SLCO1A2: variants seen among roughly 807,000 people sequenced by gnomAD.
SLCO1A2 encodes the protein OATP-1.
In SLCO1A2, 67 loss-of-function variants were observed where a neutral mutation model predicts 69.0. The ratio of observed to expected loss-of-function variants is 0.97; its 90% confidence interval spans 0.80 to 1.19. SLCO1A2 has a LOEUF of 1.19. Among genes scored for constraint, SLCO1A2 ranks in the 50% most tolerant of loss-of-function variants. The probability of loss-of-function intolerance (pLI) is 0.00; values close to 1 mark genes in which losing one functional copy is unlikely to be tolerated. For synonymous variants in SLCO1A2, 260 were observed against 265.9 expected (o/e 0.98, Z 0.22); for missense variants, 787 against 793.7 (o/e 0.99, Z 0.10).
intron 12 of SLCO1A2, among the ~76,000 whole-genome samples, chr12:21,286,101 T>A (rs1945733959): frequency 6.6e-6 from 1 of 150,858 alleles, no homozygotes; most frequent in South Asian, 2.1e-4. Flanking sequence ...ATTGTTTATC[T>A]AGAAAACCCC....
Position 21,348,041 on chromosome 12 carries a change from AC to A in SLCO1A2, c.-62-13333del, listed in dbSNP as rs1937642077. ...TTTAGTGTTGCTAAATTCAACATCC[AC>A]CTTTTAGTCTTTCTCTTTTTCCATA... is the stretch of plus-strand genomic sequence containing the variant. On this transcript the variant is annotated intron_variant, in intron 2 of 15. Transcript: ENST00000307378. 2.6e-5 allele frequency among the ~76,000 whole-genome samples: 4 copies of A among 152,190 alleles called. No individual in the cohort carries two copies. In the South Asian group the frequency reaches 8.3e-4, roughly 32 times the overall value.
At chr12:21,336,023 C>T (rs1307912458), upstream of SLCO1A2, among the ~76,000 whole-genome samples, 1 of 152,042 alleles carries the variant, frequency 6.6e-6, no homozygotes. Flanking sequence ...TAGAACCAGA[C>T]AGTGTAGAAG....
At chr12:21,327,767 AT>A (rs1239438696) in intron 2 of SLCO1A2, among the ~76,000 whole-genome samples, 1 of 151,826 alleles carries the variant, frequency 6.6e-6, no homozygotes, top group African/African-American at 2.4e-5. Flanking sequence ...CTTGCTTTTG[AT>A]TTTTTTTGAT....
At chr12:21,370,215 AT>A (rs1174217114) in intron 2 of SLCO1A2, among the ~76,000 whole-genome samples, 5 of 152,156 alleles carry the variant, frequency 3.3e-5, no homozygotes, top group African/African-American at 1.2e-4. Flanking sequence ...TTATCTATAA[AT>A]TAGGGCAAAT....
intron 5 of SLCO1A2, 32 bp downstream of exon 5, chr12:21,306,850 T>G (rs1429002277): frequency 6.7e-7 from 1 of 1,500,342 alleles, no homozygotes; most frequent in Non-Finnish European, 9.3e-7. Flanking sequence ...ATAAGTTCGC[T>G]GAACAAAAAT....
intron 1 of SLCO1A2, among the ~76,000 whole-genome samples, chr12:21,382,793 CAAA>C (rs3060709): frequency 5.3e-5 from 4 of 75,196 alleles, no homozygotes; most frequent in South Asian, 5.2e-4. Context: ...AACTCCGTCT[CAAA>C]AAAAAAAAAA....
chr12:21,299,495 A>T (rs1948242897), intron 8 of SLCO1A2, among the ~76,000 whole-genome samples: 1 of 151,176 alleles, frequency 6.6e-6, no homozygotes, highest in Non-Finnish European at 1.5e-5. Flanking sequence ...TCCTTGGAGA[A>T]CTGCTTCTGT....
intron 1 of SLCO1A2, among the ~76,000 whole-genome samples, chr12:21,393,719 A>G (rs999949694): frequency 2.0e-5 from 3 of 152,232 alleles, no homozygotes; most frequent in African/African-American, 7.2e-5. Context: ...TCTAGATAAA[A>G]TTGTAAGGTA....
chr12:21,299,817 C>CGTAT (rs1948385322), intron 8 of SLCO1A2, among the ~76,000 whole-genome samples: 1 of 115,108 alleles, frequency 8.7e-6, no homozygotes, highest in African/African-American at 4.6e-5. Context: ...TATACACACA[C>CGTAT]ACATATACAC....
upstream of SLCO1A2, among the ~76,000 whole-genome samples, chr12:21,400,268 G>T (rs940828532): frequency 2.0e-4 from 31 of 152,068 alleles, no homozygotes; most frequent in East Asian, 3.9e-4. Context: ...TAAAAAACAC[G>T]TGAAAAAATG....
chr12:21,373,055 C>T (rs562344252), intron 2 of SLCO1A2: 3 of 366,072 alleles, frequency 8.2e-6, no homozygotes, highest in East Asian at 5.8e-5. Context: ...GAGAAATGCA[C>T]ACTTGGTGTT....
At chr12:21,307,618 C>A (rs1403363624) in intron 4 of SLCO1A2, among the ~76,000 whole-genome samples, 1 of 152,098 alleles carries the variant, frequency 6.6e-6, no homozygotes, top group Admixed American at 6.5e-5. Context: ...TTAATTTAAG[C>A]AAATTACCAC....
chr12:21,340,455 C>A (rs1022543831), intron 2 of SLCO1A2, among the ~76,000 whole-genome samples: 8 of 151,934 alleles, frequency 5.3e-5, no homozygotes, highest in Non-Finnish European at 1.0e-4. Context: ...AATGTTTCCA[C>A]GTTGGAAGAA....
chr12:21,350,714 G>A (rs1937872375), intron 2 of SLCO1A2, among the ~76,000 whole-genome samples: 1 of 151,604 alleles, frequency 6.6e-6, no homozygotes, highest in Non-Finnish European at 1.5e-5. Flanking sequence ...GCACGCACCT[G>A]TAGTCCCAGC....
At chr12:21,283,573 G>C (rs1325760346) in intron 12 of SLCO1A2, among the ~76,000 whole-genome samples, 1 of 151,988 alleles carries the variant, frequency 6.6e-6, no homozygotes, top group Non-Finnish European at 1.5e-5. Flanking sequence ...TGGATAAATG[G>C]GATCACATCA....
Position 21,310,696 on chromosome 12 carries a change from G to A in SLCO1A2, c.336-3708C>T, listed in dbSNP as rs149844344. ...CGGCGCACTGCAAGCTCTGCCTCCC[G>A]GGTTCACGCCATTCTCCTGCCTCAG... On this transcript the variant is annotated intron_variant, in intron 4 of 14. Coordinates refer to ENST00000683939, the MANE Select transcript of SLCO1A2 (RefSeq NM_001386879.1). Among the ~76,000 whole-genome samples, 24 of 152,274 alleles carry A rather than the reference G, an allele frequency of 1.6e-4. No individual in the cohort carries two copies. The East Asian group carries it at 3.3e-3, about 21-fold the overall frequency.
At chr12:21,294,768 G>A (rs1947448689) in intron 10 of SLCO1A2, 1 of 152,128 alleles carries the variant, frequency 6.6e-6, no homozygotes, top group South Asian at 2.1e-4. Flanking sequence ...GATTTGAAAT[G>A]AACTGCTTTT....
chr12:21,378,357 C>A lies in SLCO1A2; in HGVS notation c.-189-3832G>T, dbSNP rs372245942. ...TTCTCTCATCTACCAACGTGGGATCCAATACATATGGCAAGAGGAATGCAG... is the reference window on the plus strand; with the variant it reads ...TTCTCTCATCTACCAACGTGGGATCAAATACATATGGCAAGAGGAATGCAG... On this transcript the variant is annotated intron_variant, in intron 1 of 15. Coordinates refer to the SLCO1A2 transcript ENST00000307378. 8.7e-6 allele frequency: 14 copies of A among 1,613,996 alleles called. No homozygotes were observed. In the African/African-American group the frequency reaches 1.5e-4, roughly 17 times the overall value.
rs1216103674 is a variant in SLCO1A2, at chr12:21,265,058, T to TGGAA, written c.*4486_*4489dup. The stretch of plus-strand genomic sequence containing the variant: ...AGAATTTTATCTGGAGCCTTTCACA[T>TGGAA]GGAAGGAAGTTTTGTGTGGTAGCTC... On this transcript the variant is annotated 3_prime_UTR_variant, in exon 15 of 15. Transcript: ENST00000683939. The TGGAA allele has an allele frequency of 2.0e-5, 3 of 152,378 alleles. No individual in the cohort carries two copies. The highest frequency in any genetic ancestry group is 7.2e-5 in the African/African-American group (3 of 41,450). The allele number at this position is 152,378 out of a possible 1,614,324, so 9.4% of individuals were successfully genotyped here. A position where few individuals can be genotyped will look rare whatever the true frequency, so the allele number is the denominator to read the frequency against.
Sources: allele counts gnomAD v4.1 joint callset (sites outside exome capture counted in the v4.1 genomes callset), GRCh38; gene constraint gnomAD v4.1.1; transcripts MANE v1.5; gene names NCBI Gene and HGNC (gene_info 2026-07-23, HGNC 2026-07-21).